The following PCDHGA4 variants were observed in gnomAD, a reference collection of about 807,000 sequenced individuals.
The protein encoded by PCDHGA4 is protocadherin gamma subfamily A, 4, also known as protocadherin gamma-A4.
Under a neutral mutation model 54.6 loss-of-function variants are expected in PCDHGA4, and 38 were observed. The observed-to-expected ratio is 0.70, with a 90% CI of 0.54 to 0.91. PCDHGA4 has a LOEUF of 0.91. Ranked by LOEUF, PCDHGA4 falls within the 40% of genes least tolerant of loss-of-function variation. The pLI is 0.00. For synonymous variants in PCDHGA4, 511 were observed against 512.9 expected, an observed-to-expected ratio of 1.00 and a Z score of 0.05; for missense variants, 1,298 against 1,220.9, an observed-to-expected ratio of 1.06 and a Z score of -0.94.
intron 1 of PCDHGA4, chr5:141,375,668 C>T: frequency 2.5e-6 from 4 of 1,614,258 alleles, no homozygotes; most frequent in Non-Finnish European, 3.4e-6. Context: ...GAGAGACCTA[C>T]AGCTGTGGGT....
intron 1 of PCDHGA4, among the ~76,000 whole-genome samples, chr5:141,481,678 G>A (rs1033213047): frequency 6.6e-6 from 1 of 152,006 alleles, no homozygotes; most frequent in African/African-American, 2.4e-5. Flanking sequence ...ATCAGGCCGG[G>A]CCTGGTGGCT....
Position 141,432,436 on chromosome 5 carries a change from G to A in PCDHGA4, c.2515-62371G>A, listed in dbSNP as rs753833603. On this transcript the variant is annotated intron_variant, in intron 1 of 3. Coordinates refer to ENST00000571252, the MANE Select transcript of PCDHGA4 (RefSeq NM_018917.4). The surrounding 1 kb of genome is among the most constrained non-coding windows in gnomAD (Gnocchi z 6.0). ...TCGTGCTGGACCAGAACGACAATGC[G>A]CCCGAGATCCTGTACCCCGCCCTCC... The A allele has an allele frequency of 4.3e-6, 7 of 1,614,196 alleles. No homozygotes were observed. The highest frequency in any genetic ancestry group is 1.1e-5 in the South Asian group (1 of 91,084).
At chr5:141,365,884 A>G (rs992274434) in intron 1 of PCDHGA4, 1 of 1,614,096 alleles carries the variant, frequency 6.2e-7, no homozygotes, top group Admixed American at 1.7e-5. Flanking sequence ...ATGCTCTGAG[A>G]TCCTTCGACT....
Position 141,451,083 on chromosome 5 carries a change from C to T in PCDHGA4, c.2515-43724C>T, listed in dbSNP as rs192869194. On this transcript the variant is annotated intron_variant, in intron 1 of 3. Coordinates refer to ENST00000571252, the MANE Select transcript of PCDHGA4 (RefSeq NM_018917.4). The stretch of plus-strand genomic sequence containing the variant: ...GACCTTGTGATCCACCCACCTTGAC[C>T]TCCCAAAGTGTTGGGATTACAGGCG... 4.9e-4 allele frequency among the ~76,000 whole-genome samples: 75 copies of T among 152,174 alleles called. 3 individuals carry two copies. In the East Asian group the frequency reaches 0.014, roughly 29 times the overall value.
chr5:141,386,595 A>ATT lies in PCDHGA4; in HGVS notation c.2514+28985_2514+28986dup, dbSNP rs373179212. On this transcript the variant is annotated intron_variant, in intron 1 of 3. Transcript: ENST00000571252. Reference sequence around the variant, plus strand: ...CTCTGTACAATAGTGTGGGGGATACATTTTTTTTTTTTGACATGGAGTCTC... The same window carrying ATT: ...CTCTGTACAATAGTGTGGGGGATACATTTTTTTTTTTTTTGACATGGAGTCTC... 4.8e-5 allele frequency among the ~76,000 whole-genome samples: 7 copies of ATT among 146,172 alleles called. No individual in the cohort carries two copies. The East Asian group carries it at 9.9e-4, about 21-fold the overall frequency.
chr5:141,412,233 A>G (rs866840267), intron 1 of PCDHGA4: 4 of 152,256 alleles, frequency 2.6e-5, no homozygotes, highest in Admixed American at 6.5e-5. Context: ...TTAAAAACCT[A>G]TATCACTACA....
chr5:141,355,118 T>C lies in PCDHGA4; in HGVS notation c.11T>C (p.Ile4Thr). The change falls in exon 1 of 4, where the codon ATT becomes ACT. Residue 4 changes from isoleucine to threonine, a missense_variant. By Grantham distance (89) the Ile-to-Thr change is moderately conservative. Transcript: ENST00000571252. ...GAGCTCTGGCTGTGAATGCACTTTA[T>C]TTTGGACCCAGAAGATCCTGGGGCT... MHF[I>T]LDPEDPGAPQ... 1 of 1,514,140 alleles carries C rather than the reference T, an allele frequency of 6.6e-7. No individual in the cohort carries two copies. Among genetic ancestry groups the C allele is most frequent in the Non-Finnish European group, 8.8e-7 (1 of 1,134,242 alleles). The allele number at this position is 1,514,140 out of a possible 1,614,324, so 93.8% of individuals were successfully genotyped here. A position where few individuals can be genotyped will look rare whatever the true frequency, so the allele number is the denominator to read the frequency against.
rs1427052612 is a variant in PCDHGA4 at position 141,493,002 on chromosome 5, A to G, written c.2515-1805A>G. Among the ~76,000 whole-genome samples, 4 of 152,246 alleles carry G rather than the reference A, an allele frequency of 2.6e-5. No individual in the cohort carries two copies. The highest frequency in any genetic ancestry group is 2.1e-4 in the South Asian group (1 of 4,832). On this transcript the variant is annotated intron_variant, in intron 1 of 3. Transcript: ENST00000571252. This position sits in a 1 kb window ranked among gnomAD's most constrained non-coding sequence, Gnocchi z 4.3. ...TCTCCTCTGGCAGATGGAAAGCTAT[A>G]GGCTCTGCCAGATGCCAGGGTGCCC... is the stretch of plus-strand genomic sequence containing the variant.
chr5:141,357,987 C>T (rs921164860), intron 1 of PCDHGA4, among the ~76,000 whole-genome samples: 3 of 152,080 alleles, frequency 2.0e-5, no homozygotes, highest in African/African-American at 7.2e-5. Flanking sequence ...CTCAGGAGTT[C>T]GAGACCAGTC....
chr5:141,405,032 G>T lies in PCDHGA4; in HGVS notation c.2514+47411G>T, dbSNP rs747720731. On this transcript the variant is annotated intron_variant, in intron 1 of 3. Coordinates refer to ENST00000571252, the MANE Select transcript of PCDHGA4 (RefSeq NM_018917.4). Reference sequence around the variant, plus strand: ...GGCCTCAGACCTTACCCTCTACCTCGTTGTGGCTGTGGCAGTCGTCTCCTG... The same window carrying T: ...GGCCTCAGACCTTACCCTCTACCTCTTTGTGGCTGTGGCAGTCGTCTCCTG... The T allele has an allele frequency of 1.9e-6, 3 of 1,613,806 alleles. No homozygotes were observed. Among genetic ancestry groups the T allele is most frequent in the Admixed American group, 3.3e-5 (2 of 59,992 alleles).
At chr5:141,368,798 C>T (rs1477388914) in intron 1 of PCDHGA4, among the ~76,000 whole-genome samples, 3 of 152,096 alleles carry the variant, frequency 2.0e-5, no homozygotes, top group Non-Finnish European at 4.4e-5. Flanking sequence ...ATTTTTCATA[C>T]TAATTGAAGT....
chr5:141,375,058 A>C (rs1346702145), intron 1 of PCDHGA4: 3 of 1,614,066 alleles, frequency 1.9e-6, no homozygotes, highest in Non-Finnish European at 2.5e-6. Context: ...GGGATGGGCC[A>C]GGTCTTCGAG....
chr5:141,447,312 G>C (rs2098534178), intron 1 of PCDHGA4, among the ~76,000 whole-genome samples: 2 of 151,918 alleles, frequency 1.3e-5, no homozygotes, highest in African/African-American at 2.4e-5. Flanking sequence ...GCTAATTTTT[G>C]TATTTTTAGT....
intron 1 of PCDHGA4, chr5:141,410,816 A>G (rs2095424614): frequency 1.8e-6 from 1 of 550,516 alleles, no homozygotes; most frequent in African/African-American, 2.1e-5. Flanking sequence ...TTTGTAAAAT[A>G]ATGTCACCAG....
chr5:141,357,260 C>A lies in PCDHGA4; in HGVS notation c.2153C>A (p.Ser718Ter), dbSNP rs1760525551. The change falls in exon 1 of 4, where the codon TCG (serine) becomes TAG (stop). Residue 718 changes from serine (S) to a stop codon, truncating the protein, a stop_gained. Coordinates refer to ENST00000571252, the MANE Select transcript of PCDHGA4 (RefSeq NM_018917.4). LOFTEE classifies it high-confidence loss of function. Reference protein sequence around the residue: ...SLKPSADPDDSGLTLYLVVAV... With the variant: ...SLKPSADPDD ...AAGCCTTCAGCAGACCCAGACGACT[C>A]GGGCCTCACACTCTATCTCGTGGTG... The A allele has an allele frequency of 6.2e-7, 1 of 1,613,796 alleles. No homozygotes were observed. Among genetic ancestry groups the A allele is most frequent in the Non-Finnish European group, 8.5e-7 (1 of 1,179,740 alleles).
At chr5:141,503,814 T>C (rs539980053) in intron 2 of PCDHGA4, among the ~76,000 whole-genome samples, 2 of 152,100 alleles carry the variant, frequency 1.3e-5, no homozygotes, top group East Asian at 3.9e-4. Flanking sequence ...GAATCCCAGA[T>C]TGGGCAAAAC....
At position 141,499,673 on chromosome 5, in the gene PCDHGA4, C is replaced by A. The variant is rs1193484216; in HGVS notation, c.2573+4808C>A. Among the ~76,000 whole-genome samples the A allele has an allele frequency of 2.7e-5, 4 of 150,550 alleles. No individual in the cohort carries two copies. In the East Asian group the frequency reaches 7.8e-4, roughly 29 times the overall value. On this transcript the variant is annotated intron_variant, in intron 2 of 3. Transcript: ENST00000571252. ...CATATAATTTCATCTTGGTCTCCACCATCTTTAACAGATGACTTTTTTTTT... is the reference window on the plus strand; with the variant it reads ...CATATAATTTCATCTTGGTCTCCACAATCTTTAACAGATGACTTTTTTTTT...
intron 1 of PCDHGA4, chr5:141,430,865 C>G: frequency 6.3e-7 from 1 of 1,595,350 alleles, no homozygotes; most frequent in Non-Finnish European, 8.5e-7. Flanking sequence ...CTATTCAGTT[C>G]CGGAAGAGCT....
At chr5:141,398,019 A>T (rs2093601039) in intron 1 of PCDHGA4, 1 of 1,427,024 alleles carries the variant, frequency 7.0e-7, no homozygotes, top group Admixed American at 2.6e-5. Flanking sequence ...CGTTTCCTAA[A>T]CTGGAACTGG....
Sources: gnomAD v4.1 joint callset for allele counts (sites outside exome capture counted in the v4.1 genomes callset) on GRCh38, gnomAD v4.1.1 for gene constraint, Gnocchi (gnomAD v3.1) non-coding constraint, MANE v1.5 for transcripts, NCBI Gene and HGNC (gene_info 2026-07-23, HGNC 2026-07-21) for gene names.